Variants in MYO3B observed in about 807,000 individuals in gnomAD.
MYO3B encodes the protein myosin-IIIb.
MYO3B carries 156 observed loss-of-function variants against 174.6 expected under a neutral mutation model. That is an observed-to-expected ratio of 0.89 (90% CI 0.78 to 1.02). MYO3B has a LOEUF of 1.02. Ranked by LOEUF, MYO3B falls within the 50% of genes least tolerant of loss-of-function variation. The pLI, the probability that MYO3B is intolerant of heterozygous loss-of-function variation, is 0.00. For synonymous variants in MYO3B, 563 were observed against 569.1 expected (o/e 0.99, Z 0.15); for missense variants, 1,632 against 1,639.4 (o/e 1.00, Z 0.08).
chr2:170,634,731 G>A (rs538734432), intron 32 of MYO3B, among the ~76,000 whole-genome samples: 2 of 152,286 alleles, frequency 1.3e-5, no homozygotes, highest in South Asian at 4.2e-4. Flanking sequence ...CTGACAAAGG[G>A]CTGAAATCCA....
intron 19 of MYO3B, 115 bp from the exon 20 acceptor site, chr2:170,404,132 T>C (rs2094495645): frequency 9.7e-7 from 1 of 1,026,772 alleles, no homozygotes; most frequent in South Asian, 1.7e-5. Flanking sequence ...ATAAAACATA[T>C]CCTGCTTTCC....
intron 22 of MYO3B, among the ~76,000 whole-genome samples, chr2:170,428,702 A>T (rs1287718089): frequency 6.6e-6 from 1 of 152,140 alleles, no homozygotes; most frequent in Non-Finnish European, 1.5e-5. Context: ...AGAACAGTCC[A>T]CCCCCATCTA....
intron 7 of MYO3B, among the ~76,000 whole-genome samples, chr2:170,272,171 T>C (rs2093430174): frequency 6.6e-6 from 1 of 151,944 alleles, no homozygotes; most frequent in Non-Finnish European, 1.5e-5. Flanking sequence ...TCGGCATCAC[T>C]TGGGAACATG....
chr2:170,370,582 G>C (rs948868659), intron 9 of MYO3B, among the ~76,000 whole-genome samples: 6 of 148,176 alleles, frequency 4.0e-5, no homozygotes, highest in Non-Finnish European at 7.4e-5. Context: ...TTTCTTCCTT[G>C]TTTTGGTTCC....
At chr2:170,554,699 C>T (rs746667212) in intron 32 of MYO3B, among the ~76,000 whole-genome samples, 2 of 152,294 alleles carry the variant, frequency 1.3e-5, no homozygotes, top group Non-Finnish European at 2.9e-5. Flanking sequence ...CGGTGCTTTC[C>T]TGAGTTCGTT....
At chr2:170,531,899 A>C (rs1244812355) in intron 30 of MYO3B, among the ~76,000 whole-genome samples, 1 of 152,252 alleles carries the variant, frequency 6.6e-6, no homozygotes, top group Non-Finnish European at 1.5e-5. Context: ...GGCAACTGCA[A>C]AAATAATTGT....
intron 7 of MYO3B, among the ~76,000 whole-genome samples, chr2:170,272,724 G>C (rs1056844294): frequency 6.6e-6 from 1 of 152,172 alleles, no homozygotes; most frequent in Non-Finnish European, 1.5e-5. Context: ...CTGTATTAAT[G>C]CTATTATTGT....
intron 7 of MYO3B, among the ~76,000 whole-genome samples, chr2:170,293,444 C>G (rs985715921): frequency 2.6e-5 from 4 of 152,054 alleles, no homozygotes; most frequent in African/African-American, 9.7e-5. Context: ...TCTCACTTCC[C>G]ACTTTAAGAG....
chr2:170,499,130 A>C (rs1687062127), intron 26 of MYO3B, among the ~76,000 whole-genome samples: 1 of 152,176 alleles, frequency 6.6e-6, no homozygotes, highest in South Asian at 2.1e-4. Flanking sequence ...ATTTGGGAGA[A>C]CGTCACGTCC....
At chr2:170,333,889 T>C (rs538694550) in intron 7 of MYO3B, 3 of 152,196 alleles carry the variant, frequency 2.0e-5, no homozygotes, top group Non-Finnish European at 2.9e-5. Flanking sequence ...GGAAAGGTTA[T>C]CTGACTGAGG....
intron 32 of MYO3B, among the ~76,000 whole-genome samples, chr2:170,620,477 A>C (rs886383769): frequency 6.6e-6 from 1 of 152,234 alleles, no homozygotes; most frequent in Non-Finnish European, 1.5e-5. Flanking sequence ...TTTGTCAAGA[A>C]CTGCAAAGGG....
At chr2:170,563,804 C>T (rs1253818073) in intron 32 of MYO3B, among the ~76,000 whole-genome samples, 1 of 152,156 alleles carries the variant, frequency 6.6e-6, no homozygotes, top group Admixed American at 6.5e-5. Context: ...TGCTGGAGCT[C>T]CAGCCATCAT....
At chr2:170,273,377 C>T (rs1346178001) in intron 7 of MYO3B, among the ~76,000 whole-genome samples, 1 of 151,868 alleles carries the variant, frequency 6.6e-6, no homozygotes, top group Non-Finnish European at 1.5e-5. Context: ...AGTCTAGAAT[C>T]CTCCTCTTGC....
rs185688480 is a variant in MYO3B, at chr2:170,565,747, A to G, written c.3733+21759A>G. Among the ~76,000 whole-genome samples the G allele has an allele frequency of 7.5e-4, 114 of 152,340 alleles. 2 individuals are homozygous for G. Among genetic ancestry groups the G allele is most frequent in the African/African-American group, 2.6e-3 (107 of 41,578 alleles). On this transcript the variant is annotated intron_variant, in intron 32 of 34. Coordinates refer to ENST00000408978, the MANE Select transcript of MYO3B (RefSeq NM_138995.5). ...CCAAGTGAGAGTAGAGAAAGAGATTAGTAGTGGGCCTTAAAAAGTCTGCAG... is the reference window on the plus strand; with the variant it reads ...CCAAGTGAGAGTAGAGAAAGAGATTGGTAGTGGGCCTTAAAAAGTCTGCAG...
intron 25 of MYO3B, among the ~76,000 whole-genome samples, chr2:170,496,003 G>A (rs1280107871): frequency 1.3e-5 from 2 of 152,176 alleles, no homozygotes; most frequent in African/African-American, 4.8e-5. Flanking sequence ...AAAGGTCTAA[G>A]CTTGACTCCT....
At chr2:170,225,623 T>C (rs140217416) in intron 6 of MYO3B, among the ~76,000 whole-genome samples, 14 of 152,292 alleles carry the variant, frequency 9.2e-5, no homozygotes, top group African/African-American at 3.4e-4. Flanking sequence ...TAGAAAATGA[T>C]TGTGGTTCAG....
rs61527598 is a variant in MYO3B at position 170,483,375 on chromosome 2, C to CTTT, written c.3015-15190_3015-15188dup. On this transcript the variant is annotated intron_variant, in intron 25 of 34. Transcript: ENST00000408978. ...AATTAAAACTCCTTGCTTGGGGATTCTTTTTTTTTTTTTTTTTTTTTTTTT... is the reference window on the plus strand; with the variant it reads ...AATTAAAACTCCTTGCTTGGGGATTCTTTTTTTTTTTTTTTTTTTTTTTTTTTT... 2.2e-3 allele frequency among the ~76,000 whole-genome samples: 138 copies of CTTT among 62,100 alleles called. 15 individuals carry two copies. The highest frequency in any genetic ancestry group is 3.8e-3 in the South Asian group (7 of 1,842). The allele number at this position is 62,100 out of a possible 152,430, so 40.7% of individuals were successfully genotyped here.
At chr2:170,282,587 G>T (rs1273876503) in intron 7 of MYO3B, among the ~76,000 whole-genome samples, 1 of 151,914 alleles carries the variant, frequency 6.6e-6, no homozygotes, top group East Asian at 1.9e-4. Flanking sequence ...TGGCTTTTCA[G>T]GCTCTTTTTT....
chr2:170,296,211 G>A (rs1167104627), intron 7 of MYO3B, among the ~76,000 whole-genome samples: 3 of 152,168 alleles, frequency 2.0e-5, no homozygotes, highest in Non-Finnish European at 4.4e-5. Flanking sequence ...CAGAGTGATG[G>A]ATCATGCGCT....
Sources: gnomAD v4.1 joint callset for allele counts (sites outside exome capture counted in the v4.1 genomes callset) on GRCh38, gnomAD v4.1.1 for gene constraint, MANE v1.5 for transcripts, NCBI Gene and HGNC (gene_info 2026-07-23, HGNC 2026-07-21) for gene names.